The following EFL1 variants were observed in gnomAD, a reference collection of about 807,000 sequenced individuals.
EFL1 encodes the protein elongation factor-like GTPase 1.
A neutral mutation model predicts 126.7 loss-of-function variants in EFL1; 76 were observed. The observed-to-expected ratio is 0.60, with a 90% CI of 0.50 to 0.73. The LOEUF is 0.73. Among genes scored for constraint, EFL1 ranks in the 30% least tolerant of loss-of-function variants. The pLI is 0.00. For synonymous variants in EFL1, 410 were observed against 448.4 expected, an observed-to-expected ratio of 0.91 and a Z score of 1.08; for missense variants, 1,128 against 1,343.2, an observed-to-expected ratio of 0.84 and a Z score of 2.50.
At chr15:82,211,528 AG>A (rs1457964244) in intron 15 of EFL1, among the ~76,000 whole-genome samples, 3 of 137,340 alleles carry the variant, frequency 2.2e-5, no homozygotes, top group Admixed American at 1.5e-4. Flanking sequence ...TCTGTCTCAA[AG>A]AAAAAAAAAA....
At chr15:82,187,503 T>C (rs2074316104) in intron 15 of EFL1, among the ~76,000 whole-genome samples, 1 of 152,186 alleles carries the variant, frequency 6.6e-6, no homozygotes, top group African/African-American at 2.4e-5. Context: ...CTTGTGCACA[T>C]TATATTTTGG....
rs936099592 is a variant in EFL1, at chr15:82,151,886, T to G, written c.2568A>C (p.Ser856=). 1 of 1,614,164 alleles carries G rather than the reference T, an allele frequency of 6.2e-7. No homozygotes were observed. Among genetic ancestry groups the G allele is most frequent in the Non-Finnish European group, 8.5e-7 (1 of 1,180,042 alleles). ...AATCTCGGTATCTACTGGCTTCTTT[T>G]GAAGCTTTGTCAGCTGGACCTGTCC... The part of the protein sequence containing the change: ...SVWTGPADKA[S]KEASRYRDLG... The change falls in exon 18 of 20, where the codon TCA becomes TCC. Residue 856 remains serine (S), a synonymous_variant. Transcript: ENST00000268206.
intron 2 of EFL1, among the ~76,000 whole-genome samples, chr15:82,259,824 T>G (rs1338600455): frequency 6.6e-6 from 1 of 152,174 alleles, no homozygotes; most frequent in African/African-American, 2.4e-5. Flanking sequence ...TTATTGCACT[T>G]TAGGAACTTC....
intron 15 of EFL1, among the ~76,000 whole-genome samples, chr15:82,170,605 G>T (rs1193861689): frequency 6.6e-6 from 1 of 152,234 alleles, no homozygotes; most frequent in African/African-American, 2.4e-5. Flanking sequence ...ATAAGTGGAA[G>T]TAGTGGCAGT....
At chr15:82,174,986 TC>T (rs2074179247) in intron 15 of EFL1, among the ~76,000 whole-genome samples, 1 of 152,248 alleles carries the variant, frequency 6.6e-6, no homozygotes, top group South Asian at 2.1e-4. Flanking sequence ...TCATATGTCT[TC>T]TGTGCTTTTT....
At chr15:82,194,849 C>T (rs547743696) in intron 15 of EFL1, among the ~76,000 whole-genome samples, 3 of 152,180 alleles carry the variant, frequency 2.0e-5, no homozygotes, top group East Asian at 3.9e-4. Flanking sequence ...TCAATGTTTT[C>T]GGAATCTTGT....
chr15:82,203,096 C>T (rs1464748829), intron 15 of EFL1, among the ~76,000 whole-genome samples: 1 of 152,080 alleles, frequency 6.6e-6, no homozygotes, highest in Non-Finnish European at 1.5e-5. Context: ...CAGGCGTGAC[C>T]CACCACGCCC....
intron 15 of EFL1, among the ~76,000 whole-genome samples, chr15:82,206,548 AAAG>A (rs1007845419): frequency 2.7e-4 from 41 of 152,292 alleles, no homozygotes; most frequent in Admixed American, 7.2e-4. Flanking sequence ...GGCAGGGAAT[AAAG>A]AAGATAATCA....
chr15:82,190,695 CT>C (rs1232434102), intron 15 of EFL1, among the ~76,000 whole-genome samples: 1 of 152,098 alleles, frequency 6.6e-6, no homozygotes, highest in Non-Finnish European at 1.5e-5. Context: ...AGGGATTTTA[CT>C]TTTGTTCCAA....
At chr15:82,164,865 C>G (rs2074061804) in intron 15 of EFL1, among the ~76,000 whole-genome samples, 1 of 149,050 alleles carries the variant, frequency 6.7e-6, no homozygotes, top group African/African-American at 2.5e-5. Context: ...CCACTGCACT[C>G]CAGTGTGGGC....
chr15:82,244,252 CATT>C (rs1244154853), intron 4 of EFL1, among the ~76,000 whole-genome samples: 1 of 152,132 alleles, frequency 6.6e-6, no homozygotes, highest in Non-Finnish European at 1.5e-5. Context: ...ACTTCAGCCA[CATT>C]ATGTCTCTTT....
chr15:82,211,612 A>G (rs1412498116), intron 15 of EFL1, among the ~76,000 whole-genome samples: 4 of 150,046 alleles, frequency 2.7e-5, no homozygotes, highest in Admixed American at 6.7e-5. Context: ...ACACACACAC[A>G]CACACACTAG....
At chr15:82,250,044 G>C (rs1362325158) in intron 4 of EFL1, among the ~76,000 whole-genome samples, 1 of 151,932 alleles carries the variant, frequency 6.6e-6, no homozygotes, top group East Asian at 1.9e-4. Flanking sequence ...TGAGAAGGAG[G>C]GGAAGGCATG....
In EFL1 at chr15:82,261,786, T is replaced by C; in HGVS notation, c.-8A>G. 6.2e-7 allele frequency: 1 copy of C among 1,611,852 alleles called. No homozygotes were observed. The highest frequency in any genetic ancestry group is 8.5e-7 in the Non-Finnish European group (1 of 1,179,250). The stretch of plus-strand genomic sequence containing the variant: ...CAAACTGTTGAGCACCATGATTACT[T>C]ATTTCCTGTGACTAAAAATTAAATA... On this transcript the variant is annotated 5_prime_UTR_variant, in exon 2 of 20. In the 5' UTR this introduces an upstream ATG that the reference lacks. Coordinates refer to ENST00000268206, the MANE Select transcript of EFL1 (RefSeq NM_024580.6).
rs1302184302 is a variant in EFL1, at chr15:82,246,563, G to A, written c.245-5160C>T. On this transcript the variant is annotated intron_variant, in intron 4 of 19. Transcript: ENST00000268206. ...ATGTGGGGCTGAAAGAAGGATTTATGTATTTTTTTAAGACAAGAAAGACAA... is the reference window on the plus strand; with the variant it reads ...ATGTGGGGCTGAAAGAAGGATTTATATATTTTTTTAAGACAAGAAAGACAA... Among the ~76,000 whole-genome samples, 5 of 148,828 alleles carry A rather than the reference G, an allele frequency of 3.4e-5. 1 individual carries two copies. Among genetic ancestry groups the A allele is most frequent in the African/African-American group, 1.0e-4 (4 of 39,090 alleles).
chr15:82,147,710 G>A (rs960021971), intron 18 of EFL1, among the ~76,000 whole-genome samples: 3 of 151,412 alleles, frequency 2.0e-5, no homozygotes, highest in Admixed American at 2.0e-4. Context: ...CACACCATAG[G>A]TTCTAGGATA....
rs775755953 is a variant in EFL1, at chr15:82,256,332, C to G, written c.159+2756G>C. ...ACGTTTTTAAATTACTGTATATTAC[C>G]TATTTATTGCTCACGTATACTTCTT... On this transcript the variant is annotated intron_variant, in intron 3 of 19. Coordinates refer to ENST00000268206, the MANE Select transcript of EFL1 (RefSeq NM_024580.6). Among the ~76,000 whole-genome samples, 35 of 152,306 alleles carry G rather than the reference C, an allele frequency of 2.3e-4. 1 individual carries two copies. The highest frequency in any genetic ancestry group is 5.9e-5 in the Non-Finnish European group (4 of 68,034).
intron 6 of EFL1, 36 bp downstream of exon 6, chr15:82,240,382 G>A (rs1294458348): frequency 9.1e-6 from 14 of 1,539,808 alleles, no homozygotes; most frequent in Admixed American, 6.1e-5. Context: ...ACTCTTCTTC[G>A]TGGCTAAATT....
chr15:82,211,350 C>A (rs1249315831), intron 15 of EFL1, among the ~76,000 whole-genome samples: 1 of 151,630 alleles, frequency 6.6e-6, no homozygotes, highest in Non-Finnish European at 1.5e-5. Context: ...CCTGGTGAAA[C>A]CCCATCTCTA....
Sources: allele counts gnomAD v4.1 joint callset (sites outside exome capture counted in the v4.1 genomes callset), GRCh38; gene constraint gnomAD v4.1.1; transcripts MANE v1.5; gene names NCBI Gene and HGNC (gene_info 2026-07-23, HGNC 2026-07-21).